MAML3: variants seen among roughly 807,000 people sequenced by gnomAD.
MAML3 encodes the protein mastermind like transcriptional coactivator 3.
A neutral mutation model predicts 101.9 loss-of-function variants in MAML3; 27 were observed. The observed-to-expected ratio is 0.27, with a 90% confidence interval of 0.20 to 0.37. The LOEUF is 0.37. Ranked by LOEUF, MAML3 falls within the 10% of genes least tolerant of loss-of-function variation. The probability of loss-of-function intolerance (pLI) is 1.00; values close to 1 mark genes in which losing one functional copy is unlikely to be tolerated. For missense variants in MAML3, 1,316 were observed against 1,444.9 expected, an observed-to-expected ratio of 0.91 and a Z score of 1.45; for synonymous variants, 501 against 555.9, an observed-to-expected ratio of 0.90 and a Z score of 1.39.
chr4:140,049,746 A>G (rs913290805), intron 1 of MAML3, among the ~76,000 whole-genome samples: 4 of 152,080 alleles, frequency 2.6e-5, no homozygotes, highest in African/African-American at 9.7e-5. Context: ...ATCTAGGCAA[A>G]AAATAAGAGA....
chr4:140,056,359 C>CTT (rs531466780), intron 1 of MAML3, among the ~76,000 whole-genome samples: 63 of 143,782 alleles, frequency 4.4e-4, no homozygotes, highest in East Asian at 1.2e-3. Context: ...CTTTTCTTTT[C>CTT]TTTTTTTTTT....
At chr4:139,876,327 T>C (rs1467263409) in intron 2 of MAML3, among the ~76,000 whole-genome samples, 1 of 152,226 alleles carries the variant, frequency 6.6e-6, no homozygotes, top group Non-Finnish European at 1.5e-5. Context: ...TCTATTTTGA[T>C]TGGACAGTGC....
chr4:139,985,241 A>T (rs555059481), intron 1 of MAML3, among the ~76,000 whole-genome samples: 1 of 152,326 alleles, frequency 6.6e-6, no homozygotes, highest in Non-Finnish European at 1.5e-5. Flanking sequence ...AGAAGTAATA[A>T]AGTTGATCTT....
intron 2 of MAML3, among the ~76,000 whole-genome samples, chr4:139,862,099 C>G (rs1731795262): frequency 6.6e-6 from 1 of 152,196 alleles, no homozygotes; most frequent in Non-Finnish European, 1.5e-5. Flanking sequence ...ATCCCAGCTA[C>G]TTGGGATGCT....
chr4:139,734,732 C>A (rs745603194), intron 2 of MAML3, among the ~76,000 whole-genome samples: 4 of 152,204 alleles, frequency 2.6e-5, no homozygotes, highest in Admixed American at 6.5e-5. Flanking sequence ...TAAATCTGTG[C>A]GTAGGGAAGC....
chr4:139,962,575 T>C (rs1734039828), intron 1 of MAML3, among the ~76,000 whole-genome samples: 1 of 152,194 alleles, frequency 6.6e-6, no homozygotes, highest in Non-Finnish European at 1.5e-5. Flanking sequence ...ACTCTGCCAA[T>C]CTAGGAAAAG....
At chr4:139,793,779 GTAATT>G (rs1470379752) in intron 2 of MAML3, among the ~76,000 whole-genome samples, 5 of 152,268 alleles carry the variant, frequency 3.3e-5, no homozygotes, top group Non-Finnish European at 7.3e-5. Flanking sequence ...ACATTCTTCT[GTAATT>G]TATTCATGTT....
intron 2 of MAML3, among the ~76,000 whole-genome samples, chr4:139,873,302 C>G (rs908204957): frequency 1.3e-5 from 2 of 152,182 alleles, no homozygotes; most frequent in African/African-American, 4.8e-5. Flanking sequence ...TCCAGCACAT[C>G]TGATCTATGT....
Position 139,822,553 on chromosome 4 carries a change from T to C in MAML3, c.2079+66804A>G, listed in dbSNP as rs544315488. ...AGGGCTTTTATGCCAGGGTAAGTGTTCTCATACTTAAGAACAGCATCTGCT... is the reference window on the plus strand; with the variant it reads ...AGGGCTTTTATGCCAGGGTAAGTGTCCTCATACTTAAGAACAGCATCTGCT... On this transcript the variant is annotated intron_variant, in intron 2 of 4. Transcript: ENST00000509479. Among the ~76,000 whole-genome samples the C allele has an allele frequency of 1.1e-4, 17 of 152,308 alleles. No homozygotes were observed. The South Asian group carries it at 2.9e-3, about 26-fold the overall frequency.
intron 1 of MAML3, among the ~76,000 whole-genome samples, chr4:140,080,669 T>C (rs897880771): frequency 3.9e-5 from 6 of 151,980 alleles, no homozygotes; most frequent in South Asian, 2.1e-4. Context: ...TAAGAAAATA[T>C]ATGAAAACTT....
chr4:140,067,661 CACATTTAAAGCTTTCAA>C (rs1727563480), intron 1 of MAML3, among the ~76,000 whole-genome samples: 1 of 151,760 alleles, frequency 6.6e-6, no homozygotes, highest in Non-Finnish European at 1.5e-5. Flanking sequence ...AATTTCTTCC[CACATTTAAAGCTTTCAA>C]ACATTTAAAA....
intron 2 of MAML3, among the ~76,000 whole-genome samples, chr4:139,802,914 C>T (rs1171220865): frequency 6.6e-6 from 1 of 152,186 alleles, no homozygotes; most frequent in Admixed American, 6.5e-5. Context: ...GGTATTATTA[C>T]CTAAAAGACA....
At chr4:139,840,596 G>A (rs1331529202) in intron 2 of MAML3, among the ~76,000 whole-genome samples, 2 of 152,200 alleles carry the variant, frequency 1.3e-5, no homozygotes, top group Admixed American at 6.5e-5. Flanking sequence ...GGATAATGCG[G>A]TAGTTGCTTT....
In MAML3 at chr4:139,889,440, C is replaced by T. The variant is rs775729736; in HGVS notation, c.1996G>A (p.Asp666Asn). ...LQAPRAHLSE[D>N]QKRLLLMKQK... ...TTCATGAGAAGCAGGCGTTTCTGGTCTTCGCTCAGGTGTGCCCTGGGGGCC... is the reference window on the plus strand; with the variant it reads ...TTCATGAGAAGCAGGCGTTTCTGGTTTTCGCTCAGGTGTGCCCTGGGGGCC... Residue 666 changes from aspartate to asparagine, a missense_variant, in exon 2 of 5, where the codon GAC becomes AAC. Asp to Asn is a conservative substitution (Grantham distance 23, BLOSUM62 1). Transcript: ENST00000509479. 4 of 1,614,012 alleles carry T rather than the reference C, an allele frequency of 2.5e-6. No individual in the cohort carries two copies. In the Admixed American group the frequency reaches 5.0e-5, roughly 20 times the overall value.
At chr4:139,919,728 T>C (rs763980563) in intron 1 of MAML3, among the ~76,000 whole-genome samples, 11 of 152,196 alleles carry the variant, frequency 7.2e-5, no homozygotes, top group Non-Finnish European at 1.2e-4. Context: ...AGAGGTCTAG[T>C]TTACTATTTA....
intron 1 of MAML3, among the ~76,000 whole-genome samples, chr4:140,055,818 G>C (rs1205774569): frequency 1.3e-5 from 2 of 150,882 alleles, no homozygotes; most frequent in Non-Finnish European, 2.9e-5. Context: ...CCTAACTGAA[G>C]GATTTACACT....
At chr4:140,002,244 T>C (rs1193077598) in intron 1 of MAML3, among the ~76,000 whole-genome samples, 1 of 152,200 alleles carries the variant, frequency 6.6e-6, no homozygotes, top group African/African-American at 2.4e-5. Flanking sequence ...GTAACCATCA[T>C]TCTACTCTCT....
At chr4:139,839,868 G>A (rs992852065) in intron 2 of MAML3, among the ~76,000 whole-genome samples, 5 of 152,152 alleles carry the variant, frequency 3.3e-5, no homozygotes, top group African/African-American at 1.2e-4. Flanking sequence ...GGAAGCAGCT[G>A]CTGTGGAGGC....
At chr4:140,092,084 A>C in intron 1 of MAML3, among the ~76,000 whole-genome samples, 1 of 59,664 alleles carries the variant, frequency 1.7e-5, no homozygotes, top group Non-Finnish European at 5.1e-5. Context: ...ACGTATATAT[A>C]TACGTATATA....
Sources: allele counts gnomAD v4.1 joint callset (sites outside exome capture counted in the v4.1 genomes callset), GRCh38; gene constraint gnomAD v4.1.1; transcripts MANE v1.5; gene names NCBI Gene and HGNC (gene_info 2026-07-23, HGNC 2026-07-21).